The following ABCC6 variants were observed in gnomAD, a reference collection of about 807,000 sequenced individuals.
ABCC6 encodes the protein ATP binding cassette subfamily C member 6, also known as ATP-binding cassette sub-family C member 6.
A neutral mutation model predicts 169.5 loss-of-function variants in ABCC6; 126 were observed. That is an observed-to-expected ratio of 0.74 (90% CI 0.64 to 0.86). The LOEUF is 0.86. Ranked by LOEUF, ABCC6 falls within the 40% of genes least tolerant of loss-of-function variation. The pLI is 0.00. For synonymous variants in ABCC6, 752 were observed against 814.7 expected (o/e 0.92, Z 1.31); for missense variants, 1,733 against 1,927.2 (o/e 0.90, Z 1.89).
At chr16:16,151,115 C>T (rs1366354988) in intron 29 of ABCC6, among the ~76,000 whole-genome samples, 2 of 151,556 alleles carry the variant, frequency 1.3e-5, no homozygotes, top group Non-Finnish European at 2.9e-5. Flanking sequence ...CCCAGGCTGG[C>T]GTGCAATGGC....
intron 15 of ABCC6, among the ~76,000 whole-genome samples, chr16:16,183,868 C>T (rs909736722): frequency 2.0e-5 from 3 of 152,020 alleles, no homozygotes; most frequent in East Asian, 1.9e-4. Context: ...ACTCTCCTGC[C>T]CCAGGACCTT....
At position 16,221,706 on chromosome 16, in the gene ABCC6, G is replaced by A; in HGVS notation, c.162C>T (p.Phe54=). The A allele has an allele frequency of 6.2e-7, 1 of 1,613,914 alleles. No homozygotes were observed. Among genetic ancestry groups the A allele is most frequent in the Non-Finnish European group, 8.5e-7 (1 of 1,179,842 alleles). ...GGTAGCCCCGGCCATGGTGGTGGAT[G>A]AAGAGGAGGTAGATGGGACCAAGGA... ...LWVLGPIYLL[F]IHHHGRGYLR... The change falls in exon 2 of 31, where the codon TTC becomes TTT. Residue 54 remains phenylalanine (F), a synonymous_variant. Transcript: ENST00000205557.
chr16:16,154,834 A>G lies in ABCC6; in HGVS notation c.4041+39T>C, dbSNP rs369909327. 5.0e-6 allele frequency: 8 copies of G among 1,609,896 alleles called. No homozygotes were observed. In the African/African-American group the frequency reaches 1.1e-4, roughly 22 times the overall value. On this transcript the variant is annotated intron_variant, in intron 28 of 30. Coordinates refer to ENST00000205557, the MANE Select transcript of ABCC6 (RefSeq NM_001171.6). ...CGGTGGGTCAGAGCCGGGTCCCACC[A>G]TGCCTCCCATCTTTGCCCACCCCCT...
At chr16:16,177,180 A>G (rs1025435833) in intron 19 of ABCC6, among the ~76,000 whole-genome samples, 11 of 152,244 alleles carry the variant, frequency 7.2e-5, no homozygotes, top group African/African-American at 2.7e-4. Context: ...AATGACAGCA[A>G]TAACTTCACA....
chr16:16,187,274 C>A, intron 13 of ABCC6, 63 bp from the exon 14 acceptor site: 1 of 1,393,542 alleles, frequency 7.2e-7, no homozygotes, highest in South Asian at 1.2e-5. Flanking sequence ...TTTTGGGTGT[C>A]GGTGTCTCAA....
intron 11 of ABCC6, among the ~76,000 whole-genome samples, chr16:16,192,213 G>A (rs149584298): frequency 7.6e-4 from 115 of 152,228 alleles, no homozygotes; most frequent in African/African-American, 2.7e-3. Flanking sequence ...GTGTGAGATC[G>A]GGCAGGTTTG....
chr16:16,211,392 A>G (rs1175816367), intron 6 of ABCC6, among the ~76,000 whole-genome samples: 1 of 151,910 alleles, frequency 6.6e-6, no homozygotes, highest in Non-Finnish European at 1.5e-5. Context: ...CAAGAACGGA[A>G]CTCCATCTCA....
chr16:16,190,321 G>C lies in ABCC6; in HGVS notation c.1478C>G (p.Ser493Cys). ...QKDSRARLTS[S>C]ILRNSKTIKF... ...GATGGTCTTCGAGTTCCTGAGGATA[G>C]AGCTGGTGAGCCGTGCCCGTGAGTC... Residue 493 changes from serine (S) to cysteine (C), a missense_variant, in exon 12 of 31, where the codon TCT becomes TGT. Transcript: ENST00000205557. 1 of 1,614,208 alleles carries C rather than the reference G, an allele frequency of 6.2e-7. No individual in the cohort carries two copies. The highest frequency in any genetic ancestry group is 1.1e-5 in the South Asian group (1 of 91,080).
At chr16:16,175,616 C>T (rs144638886) in intron 20 of ABCC6, among the ~76,000 whole-genome samples, 124 of 152,346 alleles carry the variant, frequency 8.1e-4, no homozygotes, top group African/African-American at 2.9e-3. Flanking sequence ...TCCTGCCCTA[C>T]TGCAGCATTC....
Position 16,190,351 on chromosome 16 carries a change from T to A in ABCC6, c.1448A>T (p.Gln483Leu). The change falls in exon 12 of 31, where the codon CAG becomes CTG. Residue 483 changes from glutamine (Q) to leucine (L), a missense_variant. By Grantham distance (113) the Gln-to-Leu change is moderately radical. This residue lies in a region of ABCC6 where 1,601 missense variants were observed against 1,635.5 expected (regional missense o/e 0.98). Transcript: ENST00000205557. ...RNHHQEEQMR[Q>L]KDSRARLTSS... ...GGTGAGCCGTGCCCGTGAGTCCTTC[T>A]GCCTCATTTGCTCCTCCTGGGATCG... 6.2e-7 allele frequency: 1 copy of A among 1,614,174 alleles called. No homozygotes were observed. Among genetic ancestry groups the A allele is most frequent in the Non-Finnish European group, 8.5e-7 (1 of 1,180,034 alleles).
intron 10 of ABCC6, among the ~76,000 whole-genome samples, chr16:16,194,269 C>G (rs372216601): frequency 6.6e-6 from 1 of 152,368 alleles, no homozygotes; most frequent in South Asian, 2.1e-4. Flanking sequence ...CATTTCATCC[C>G]TCGCAAGGGT....
At chr16:16,171,325 C>T (rs944893605) in intron 21 of ABCC6, among the ~76,000 whole-genome samples, 3 of 152,178 alleles carry the variant, frequency 2.0e-5, no homozygotes, top group Non-Finnish European at 2.9e-5. Flanking sequence ...CTCAAGCAAT[C>T]CTCCTGCCTC....
At position 16,182,796 on chromosome 16, in the gene ABCC6, G is replaced by A. The variant is rs2047520253; in HGVS notation, c.2070+8C>T. The A allele has an allele frequency of 3.1e-6, 5 of 1,613,888 alleles. No homozygotes were observed. In the East Asian group the frequency reaches 1.1e-4, roughly 36 times the overall value. ...ACATCCTAGCAGACAGGCTGGGGGT[G>A]GCCTCACCTCGATGCTCACGAACCC... On this transcript the variant is annotated splice_region_variant and intron_variant, in intron 16 of 30. Transcript: ENST00000205557.
At chr16:16,176,904 G>A (rs2047295583) in intron 19 of ABCC6, among the ~76,000 whole-genome samples, 1 of 152,214 alleles carries the variant, frequency 6.6e-6, no homozygotes, top group African/African-American at 2.4e-5. Context: ...GTGATGTGCT[G>A]TTAGTTGCTA....
At chr16:16,220,555 A>C (rs1416869999) in intron 2 of ABCC6, among the ~76,000 whole-genome samples, 1 of 151,872 alleles carries the variant, frequency 6.6e-6, no homozygotes, top group Non-Finnish European at 1.5e-5. Context: ...ATGACAGGTG[A>C]AAATTACATG....
chr16:16,202,622 G>A lies in ABCC6; in HGVS notation c.999-444C>T, dbSNP rs1225653481. ...GACACACAAGGAGACACCAGGGGGC[G>A]CAAACAGAGGAAAGACCATATGGGG... On this transcript the variant is annotated intron_variant, in intron 8 of 30. Transcript: ENST00000205557. Among the ~76,000 whole-genome samples the A allele has an allele frequency of 9.9e-5, 15 of 151,898 alleles. No homozygotes were observed. The South Asian group carries it at 1.5e-3, about 15-fold the overall frequency.
At chr16:16,199,291 T>A (rs987953551) in intron 9 of ABCC6, among the ~76,000 whole-genome samples, 18 of 147,558 alleles carry the variant, frequency 1.2e-4, no homozygotes, top group Non-Finnish European at 2.4e-4. Context: ...GAAAAAAAAA[T>A]GTGAGACGAG....
intron 21 of ABCC6, 114 bp downstream of exon 21, chr16:16,173,167 ATAG>A: frequency 7.2e-7 from 1 of 1,390,178 alleles, no homozygotes; most frequent in East Asian, 2.3e-5. Context: ...CTACTGGCAC[ATAG>A]TAGGTGCTCA....
At chr16:16,205,227 C>T (rs2048355869) in intron 7 of ABCC6, among the ~76,000 whole-genome samples, 2 of 152,104 alleles carry the variant, frequency 1.3e-5, no homozygotes, top group African/African-American at 4.8e-5. Context: ...CACTGACTCC[C>T]CTGGATCCCC....
Sources: gnomAD v4.1 joint callset for allele counts (sites outside exome capture counted in the v4.1 genomes callset) on GRCh38, gnomAD v4.1.1 for gene constraint, gnomAD v4.1.1 regional missense constraint, MANE v1.5 for transcripts, NCBI Gene and HGNC (gene_info 2026-07-23, HGNC 2026-07-21) for gene names.